The following ALX4 variants were observed in gnomAD, a reference collection of about 807,000 sequenced individuals.
ALX4 encodes ALX homeobox 4, also known as homeobox protein aristaless-like 4.
ALX4 carries 22 observed loss-of-function variants against 40.6 expected under a neutral mutation model. That is an observed-to-expected ratio of 0.54 (90% CI 0.39 to 0.77). The LOEUF is 0.77. ALX4 is among the 30% of genes least tolerant of loss of function. The probability of loss-of-function intolerance (pLI) is 0.00; values close to 1 mark genes in which losing one functional copy is unlikely to be tolerated. For synonymous variants in ALX4, 266 were observed against 240.5 expected (o/e 1.11, Z -0.98); for missense variants, 556 against 564.8 (o/e 0.98, Z 0.16).
chr11:44,272,312 CAA>C (rs1956252718), intron 2 of ALX4, among the ~76,000 whole-genome samples: 1 of 152,076 alleles, frequency 6.6e-6, no homozygotes, highest in South Asian at 2.1e-4. Context: ...GAAGACCAGC[CAA>C]CCAACATGGT....
intron 1 of ALX4, among the ~76,000 whole-genome samples, chr11:44,280,336 C>T (rs907249224): frequency 2.0e-5 from 3 of 152,212 alleles, no homozygotes; most frequent in African/African-American, 7.2e-5. Context: ...CCACACCCAC[C>T]CTGCCACCAC....
rs549640215 is a variant in ALX4 at position 44,286,725 on chromosome 11, T to A, written c.467-11067A>T. ...TTCCTTGCAGGGGTCTTTCCTCCCC[T>A]AGTTCTGGGTATTTTCACATTCCTG... On this transcript the variant is annotated intron_variant, in intron 1 of 3. Transcript: ENST00000652299. 6.6e-5 allele frequency among the ~76,000 whole-genome samples: 10 copies of A among 152,248 alleles called. No homozygotes were observed. In the South Asian group the frequency reaches 2.1e-3, roughly 32 times the overall value.
chr11:44,270,218 G>A (rs1312449087), intron 2 of ALX4, among the ~76,000 whole-genome samples: 1 of 152,136 alleles, frequency 6.6e-6, no homozygotes, highest in Non-Finnish European at 1.5e-5. Flanking sequence ...AGGAGATGTG[G>A]GTTATCTGGG....
intron 2 of ALX4, among the ~76,000 whole-genome samples, chr11:44,271,712 G>A (rs57083497): frequency 0.016 from 2,430 of 152,174 alleles, 47 homozygotes; most frequent in African/African-American, 0.037. Flanking sequence ...GTGTGTGTGC[G>A]CGCGCATGTG....
chr11:44,309,965 G>A lies in ALX4; in HGVS notation c.98C>T (p.Pro33Leu). The change falls in exon 1 of 4, where the codon CCT becomes CTT. Residue 33 changes from proline to leucine, a missense_variant. Physicochemically the swap from Pro to Leu is moderately conservative, Grantham distance 98. Coordinates refer to ENST00000652299, the MANE Select transcript of ALX4 (RefSeq NM_021926.4). ...GTCGCCTCCGGGAAATGCCCTAAAAGGCGACGAGCCCTCCCGACTCTGCGA... is the reference window on the plus strand; with the variant it reads ...GTCGCCTCCGGGAAATGCCCTAAAAAGCGACGAGCCCTCCCGACTCTGCGA... The part of the protein sequence containing the change: ...PVSQSREGSS[P>L]FRAFPGGDKF... The A allele has an allele frequency of 6.3e-7, 1 of 1,596,054 alleles. No individual in the cohort carries two copies. Among genetic ancestry groups the A allele is most frequent in the Non-Finnish European group, 8.5e-7 (1 of 1,171,398 alleles).
chr11:44,299,063 T>C (rs1165399760), intron 1 of ALX4, among the ~76,000 whole-genome samples: 2 of 152,212 alleles, frequency 1.3e-5, no homozygotes, highest in Non-Finnish European at 2.9e-5. Flanking sequence ...TCATGTTTCC[T>C]AGAGGGCACT....
intron 1 of ALX4, among the ~76,000 whole-genome samples, chr11:44,298,175 C>G (rs555180127): frequency 6.6e-6 from 1 of 152,230 alleles, no homozygotes; most frequent in East Asian, 1.9e-4. Flanking sequence ...AGCTGTTCCC[C>G]CTCTTTGAAC....
intron 1 of ALX4, among the ~76,000 whole-genome samples, chr11:44,276,905 G>A (rs986168403): frequency 6.6e-6 from 1 of 152,060 alleles, no homozygotes; most frequent in Non-Finnish European, 1.5e-5. Flanking sequence ...CTCACCTGCC[G>A]CTCACCTCCT....
At chr11:44,272,587 C>T (rs925135613) in intron 2 of ALX4, among the ~76,000 whole-genome samples, 2 of 151,720 alleles carry the variant, frequency 1.3e-5, no homozygotes, top group African/African-American at 4.8e-5. Flanking sequence ...AGGTGCACCA[C>T]TTGAGGTCAT....
intron 1 of ALX4, among the ~76,000 whole-genome samples, chr11:44,306,784 C>A (rs1393361769): frequency 1.3e-5 from 2 of 152,126 alleles, no homozygotes; most frequent in Non-Finnish European, 1.5e-5. Context: ...GGGTAGGGAT[C>A]CCACTCCAGA....
intron 2 of ALX4, among the ~76,000 whole-genome samples, chr11:44,268,738 G>T (rs945718594): frequency 1.3e-5 from 2 of 152,184 alleles, no homozygotes; most frequent in African/African-American, 2.4e-5. Flanking sequence ...GAGTGAGGAG[G>T]GATCAGCTTC....
rs568408285 is a variant in ALX4, at chr11:44,308,199, C to T, written c.466+1398G>A. Among the ~76,000 whole-genome samples, 40 of 152,132 alleles carry T rather than the reference C, an allele frequency of 2.6e-4. No homozygotes were observed. The East Asian group carries it at 5.6e-3, about 21-fold the overall frequency. On this transcript the variant is annotated intron_variant, in intron 1 of 3. Transcript: ENST00000652299. ...CGGCTCCTAAAGAAGATGCTCTCTGCGTGTGTGTGTGTAGAGTGCAATTGT... is the reference window on the plus strand; with the variant it reads ...CGGCTCCTAAAGAAGATGCTCTCTGTGTGTGTGTGTGTAGAGTGCAATTGT...
intron 2 of ALX4, among the ~76,000 whole-genome samples, chr11:44,273,950 C>A (rs569938345): frequency 1.3e-5 from 2 of 152,024 alleles, no homozygotes; most frequent in East Asian, 1.9e-4. Flanking sequence ...GAGACCCAGT[C>A]TCTTTAAAAA....
At chr11:44,299,378 G>A (rs956382983) in intron 1 of ALX4, among the ~76,000 whole-genome samples, 1 of 29,140 alleles carries the variant, frequency 3.4e-5, no homozygotes, top group Non-Finnish European at 6.8e-5. Flanking sequence ...TTTTTTTTTT[G>A]TGAGATGGAT....
rs767580968 is a variant in ALX4 at position 44,309,772 on chromosome 11, C to T, written c.291G>A (p.Pro97=). ...GCGGCTGCGGCGGCGGCTGGGGCTG[C>T]GGGGTCGACGGCTGGGGCTGGAACT... ...FNKFQPQPST[P]QPQPPPQPQP... Residue 97 remains proline, a synonymous_variant, in exon 1 of 4, where the codon CCG becomes CCA. Transcript: ENST00000652299. The T allele has an allele frequency of 3.5e-5, 54 of 1,545,792 alleles. No homozygotes were observed. Among genetic ancestry groups the T allele is most frequent in the South Asian group, 9.5e-5 (8 of 84,096 alleles).
At chr11:44,290,886 C>T (rs1047677831) in intron 1 of ALX4, among the ~76,000 whole-genome samples, 4 of 152,202 alleles carry the variant, frequency 2.6e-5, no homozygotes, top group East Asian at 1.9e-4. Flanking sequence ...GACCCACACA[C>T]GGCACCCACT....
chr11:44,285,221 T>A (rs1316945867), intron 1 of ALX4, among the ~76,000 whole-genome samples: 1 of 152,216 alleles, frequency 6.6e-6, no homozygotes, highest in Non-Finnish European at 1.5e-5. Context: ...TTCCTGGGCC[T>A]CCCAAAGTGC....
chr11:44,287,949 A>G (rs149484927), intron 1 of ALX4, among the ~76,000 whole-genome samples: 1 of 152,354 alleles, frequency 6.6e-6, no homozygotes, highest in Non-Finnish European at 1.5e-5. Context: ...AAAGAGGCAT[A>G]TGAGTCATAT....
At chr11:44,265,296 C>A in intron 3 of ALX4, 113 bp from the exon 4 acceptor site, 1 of 1,065,322 alleles carries the variant, frequency 9.4e-7, no homozygotes, top group Non-Finnish European at 1.3e-6. Flanking sequence ...CCCATGAAGC[C>A]CCTCTTGAGT....
Sources: allele counts gnomAD v4.1 joint callset (sites outside exome capture counted in the v4.1 genomes callset), GRCh38; gene constraint gnomAD v4.1.1; transcripts MANE v1.5; gene names NCBI Gene and HGNC (gene_info 2026-07-23, HGNC 2026-07-21).